The following SNTG1 variants were observed in gnomAD, a reference collection of about 807,000 sequenced individuals.
SNTG1 encodes syntrophin gamma 1.
SNTG1 carries 39 observed loss-of-function variants against 74.7 expected under a neutral mutation model. The ratio of observed to expected loss-of-function variants is 0.52; its 90% CI spans 0.40 to 0.68. The LOEUF is 0.68. Ranked by LOEUF, SNTG1 falls within the 30% of genes least tolerant of loss-of-function variation. The pLI is 0.00. For synonymous variants in SNTG1, 254 were observed against 217.1 expected (o/e 1.17, Z -1.49); for missense variants, 685 against 609.5 (o/e 1.12, Z -1.30).
intron 1 of SNTG1, among the ~76,000 whole-genome samples, chr8:50,059,130 T>C (rs1353728635): frequency 6.6e-6 from 1 of 152,156 alleles, no homozygotes; most frequent in Admixed American, 6.6e-5. Flanking sequence ...TGTGCCAGTT[T>C]ATTTAGCCAT....
At chr8:50,218,374 C>T (rs2084899655) in intron 2 of SNTG1, among the ~76,000 whole-genome samples, 1 of 152,090 alleles carries the variant, frequency 6.6e-6, no homozygotes, top group African/African-American at 2.4e-5. Flanking sequence ...AGAATTCATT[C>T]ACATATCCAC....
chr8:50,271,188 A>G (rs925841418), intron 2 of SNTG1, among the ~76,000 whole-genome samples: 1 of 152,184 alleles, frequency 6.6e-6, no homozygotes, highest in Non-Finnish European at 1.5e-5. Context: ...TGTTATTAAA[A>G]ATATGTCAGC....
chr8:50,367,374 C>T (rs2092143939), intron 2 of SNTG1, among the ~76,000 whole-genome samples: 1 of 151,796 alleles, frequency 6.6e-6, no homozygotes, highest in Non-Finnish European at 1.5e-5. Flanking sequence ...AATTAGCTAA[C>T]ACCAGATTAA....
intron 4 of SNTG1, among the ~76,000 whole-genome samples, chr8:50,432,062 A>C (rs1338153042): frequency 1.3e-5 from 2 of 152,178 alleles, no homozygotes; most frequent in African/African-American, 4.8e-5. Flanking sequence ...TTTATAAATC[A>C]TACTTTTGGT....
chr8:50,550,838 T>C (rs1223676248), intron 11 of SNTG1, among the ~76,000 whole-genome samples: 3 of 152,148 alleles, frequency 2.0e-5, no homozygotes, highest in African/African-American at 7.2e-5. Context: ...TTTTTGTTTA[T>C]CTTGAGTTAA....
intron 16 of SNTG1, 43 bp downstream of exon 16, chr8:50,704,795 G>A: frequency 6.2e-7 from 1 of 1,602,098 alleles, no homozygotes. Flanking sequence ...TCCCTCAGAT[G>A]CATGACCACT....
chr8:50,056,934 T>C (rs1820075448), intron 1 of SNTG1, among the ~76,000 whole-genome samples: 1 of 152,202 alleles, frequency 6.6e-6, no homozygotes, highest in African/African-American at 2.4e-5. Flanking sequence ...TTTAGGTTTA[T>C]AGAGTGTAAC....
chr8:50,108,537 A>G (rs1375001971), intron 1 of SNTG1, among the ~76,000 whole-genome samples: 2 of 152,184 alleles, frequency 1.3e-5, no homozygotes, highest in African/African-American at 4.8e-5. Flanking sequence ...AGCAAGATTT[A>G]TTTTGTAACA....
Position 50,725,536 on chromosome 8 carries a change from C to T in SNTG1, c.1284+16558C>T, listed in dbSNP as rs192739823. 9.0e-4 allele frequency among the ~76,000 whole-genome samples: 137 copies of T among 152,208 alleles called. 2 individuals carry two copies. Among genetic ancestry groups the T allele is most frequent in the Middle Eastern group, 6.8e-3 (2 of 294 alleles). On this transcript the variant is annotated intron_variant, in intron 17 of 18. Transcript: ENST00000642720. Reference sequence around the variant, plus strand: ...TCTTTTACAAGCATTCAGGTTACTGCTTACAAACTCTACAGAATGGCCATT... The same window carrying T: ...TCTTTTACAAGCATTCAGGTTACTGTTTACAAACTCTACAGAATGGCCATT...
intron 15 of SNTG1, among the ~76,000 whole-genome samples, chr8:50,690,034 A>G (rs79559904): frequency 0.23 from 34,721 of 152,054 alleles, 4,169 homozygotes; most frequent in Middle Eastern, 0.32. Context: ...ATTTATTTGC[A>G]TAGAGATGTT....
chr8:49,974,350 G>A (rs1234206651), intron 1 of SNTG1, among the ~76,000 whole-genome samples: 2 of 152,036 alleles, frequency 1.3e-5, no homozygotes, highest in Non-Finnish European at 2.9e-5. Context: ...TATTTTATTT[G>A]CTTCTTTGGA....
intron 1 of SNTG1, among the ~76,000 whole-genome samples, chr8:50,128,379 G>A (rs910751065): frequency 6.6e-6 from 1 of 152,108 alleles, no homozygotes; most frequent in African/African-American, 2.4e-5. Flanking sequence ...TAGACAGAGC[G>A]TATAGAAAGA....
In SNTG1 at chr8:50,131,335, GA is replaced by G. The variant is rs1450555498; in HGVS notation, c.-102-41221del. Among the ~76,000 whole-genome samples the G allele has an allele frequency of 6.6e-5, 10 of 152,094 alleles. No individual in the cohort carries two copies. The East Asian group carries it at 1.7e-3, about 26-fold the overall frequency. ...TTGCAGCTTTTTTGGAGGTATAATT[GA>G]AAAATAAAAATTGTATATATTCAAG... On this transcript the variant is annotated intron_variant, in intron 1 of 18. Coordinates refer to ENST00000642720, the MANE Select transcript of SNTG1 (RefSeq NM_018967.5).
chr8:50,646,875 T>C (rs893948859), intron 13 of SNTG1, among the ~76,000 whole-genome samples: 2 of 151,798 alleles, frequency 1.3e-5, no homozygotes, highest in Non-Finnish European at 2.9e-5. Context: ...ACAGACAATA[T>C]CTCAATGAAA....
chr8:50,346,193 G>T (rs1188747585), intron 2 of SNTG1, among the ~76,000 whole-genome samples: 1 of 152,196 alleles, frequency 6.6e-6, no homozygotes, highest in African/African-American at 2.4e-5. Flanking sequence ...TGACAACAGT[G>T]CATCAAGCAA....
At chr8:50,525,142 G>T (rs1320801118) in intron 9 of SNTG1, among the ~76,000 whole-genome samples, 1 of 151,824 alleles carries the variant, frequency 6.6e-6, no homozygotes, top group African/African-American at 2.4e-5. Flanking sequence ...AGGTTTGCTG[G>T]GTATGGTATT....
chr8:50,166,989 G>A, intron 1 of SNTG1, among the ~76,000 whole-genome samples: 1 of 143,710 alleles, frequency 7.0e-6, no homozygotes, highest in Non-Finnish European at 1.5e-5. Context: ...GGATAAAATT[G>A]GAAACCATCA....
rs1165680950 is a variant in SNTG1 at position 50,292,398 on chromosome 8, T to C, written c.-27-101814T>C. Among the ~76,000 whole-genome samples the C allele has an allele frequency of 3.9e-5, 6 of 152,304 alleles. No homozygotes were observed. In the East Asian group the frequency reaches 1.2e-3, roughly 29 times the overall value. On this transcript the variant is annotated intron_variant, in intron 2 of 18. Transcript: ENST00000642720. The stretch of plus-strand genomic sequence containing the variant: ...TTAGAAAATGGATGGTCAATGATGC[T>C]GCGGTCCTGAGGAACAACTGAAGGA...
At chr8:50,568,165 G>C (rs899839091) in intron 12 of SNTG1, among the ~76,000 whole-genome samples, 5 of 151,844 alleles carry the variant, frequency 3.3e-5, no homozygotes, top group Admixed American at 6.6e-5. Context: ...GTTCATCCAT[G>C]TTGCAGCAAA....
Sources: gnomAD v4.1 joint callset for allele counts (sites outside exome capture counted in the v4.1 genomes callset) on GRCh38, gnomAD v4.1.1 for gene constraint, MANE v1.5 for transcripts, NCBI Gene and HGNC (gene_info 2026-07-23, HGNC 2026-07-21) for gene names.